The following AKAP12 variants were observed in gnomAD, a reference collection of about 807,000 sequenced individuals.
The protein encoded by AKAP12 is A-kinase anchor protein 12.
AKAP12 carries 32 observed loss-of-function variants against 79.9 expected under a neutral mutation model. The observed-to-expected ratio is 0.40, with a 90% CI of 0.30 to 0.54. The LOEUF (loss-of-function observed/expected upper bound fraction) is 0.54, where lower values mean the gene tolerates loss of function less well. AKAP12 is among the 20% of genes least tolerant of loss of function. The pLI is 0.48. For synonymous variants in AKAP12, 808 were observed against 857.0 expected (o/e 0.94, Z 1.00); for missense variants, 2,074 against 2,177.0 (o/e 0.95, Z 0.94).
intron 3 of AKAP12, among the ~76,000 whole-genome samples, chr6:151,334,369 G>GGATCACCTGA (rs1216329920): frequency 6.6e-6 from 1 of 151,974 alleles, no homozygotes; most frequent in Non-Finnish European, 1.5e-5. Context: ...CGAGGCAGGT[G>GGATCACCTGA]GATCACCTGA....
At chr6:151,302,548 A>G (rs927203141) in intron 2 of AKAP12, among the ~76,000 whole-genome samples, 1 of 151,804 alleles carries the variant, frequency 6.6e-6, no homozygotes, top group Non-Finnish European at 1.5e-5. Context: ...CCAACTAAAG[A>G]TACCTTGGAT....
intron 2 of AKAP12, among the ~76,000 whole-genome samples, chr6:151,265,684 G>GA (rs1797538683): frequency 6.6e-6 from 1 of 152,184 alleles, no homozygotes; most frequent in African/African-American, 2.4e-5. Flanking sequence ...AATAATGCTT[G>GA]TTAAAAATCT....
At chr6:151,286,402 A>G (rs2114730526) in intron 2 of AKAP12, among the ~76,000 whole-genome samples, 1 of 152,344 alleles carries the variant, frequency 6.6e-6, no homozygotes, top group East Asian at 1.9e-4. Context: ...TCAAGGTTCA[A>G]GATCAGTAAC....
intron 3 of AKAP12, chr6:151,324,230 A>G (rs1777466987): frequency 1.0e-6 from 1 of 985,318 alleles, no homozygotes; most frequent in Non-Finnish European, 1.2e-6. Flanking sequence ...CTTCCAGGCA[A>G]TATCTCACTG....
intron 3 of AKAP12, among the ~76,000 whole-genome samples, chr6:151,310,918 G>A (rs192079298): frequency 2.0e-5 from 3 of 152,174 alleles, no homozygotes; most frequent in East Asian, 3.9e-4. Flanking sequence ...ACCTTCACAG[G>A]TCACATTTGT....
At chr6:151,343,259 GTC>G (rs1237391172) in intron 3 of AKAP12, among the ~76,000 whole-genome samples, 6 of 152,158 alleles carry the variant, frequency 3.9e-5, no homozygotes, top group Admixed American at 2.0e-4. Context: ...TTAGCAACAT[GTC>G]TCTGCATTTT....
rs1777505023 is a variant in AKAP12 at position 151,325,677 on chromosome 6, C to T, written c.319+19774C>T. 3.5e-6 allele frequency: 5 copies of T among 1,428,216 alleles called. No individual in the cohort carries two copies. The South Asian group carries it at 6.1e-5, about 17-fold the overall frequency. 88.5% of individuals were successfully genotyped at this position (1,428,216 alleles called of 1,614,324 possible). On this transcript the variant is annotated intron_variant, in intron 3 of 4. Transcript: ENST00000402676. ...TCTGGGGAAATGCATCCGCGCTCTGCTTTTCGCTGCGGCAGCTCCGAGGGC... is the reference window on the plus strand; with the variant it reads ...TCTGGGGAAATGCATCCGCGCTCTGTTTTTCGCTGCGGCAGCTCCGAGGGC...
chr6:151,277,942 TTATG>T, intron 2 of AKAP12, among the ~76,000 whole-genome samples: 1 of 55,244 alleles, frequency 1.8e-5, no homozygotes, highest in Non-Finnish European at 4.5e-5. Flanking sequence ...GCTAATAGGT[TTATG>T]TGTGTGTGTG....
chr6:151,325,824 C>G (rs374560107), intron 3 of AKAP12: 4 of 1,614,032 alleles, frequency 2.5e-6, no homozygotes, highest in South Asian at 1.1e-5. Context: ...CAGGGACCCG[C>G]TAAGCTGATC....
At position 151,352,154 on chromosome 6, in the gene AKAP12, G is replaced by A. The variant is rs775466504; in HGVS notation, c.3763G>A (p.Val1255Ile). The A allele has an allele frequency of 1.1e-5, 18 of 1,614,040 alleles. No individual in the cohort carries two copies. In the Admixed American group the frequency reaches 2.3e-4, roughly 21 times the overall value. ...AGATAAAGAGGTGTCAGTGGAAACT[G>A]TATCCATTCTGTCAAAGACTGAGGG... ...HTDKEVSVET[V>I]SILSKTEGTQ... The change falls in exon 4 of 5, where the codon GTA (valine) becomes ATA (isoleucine). Residue 1255 changes from valine (V) to isoleucine (I), a missense_variant. Val to Ile is a conservative substitution (Grantham distance 29). Coordinates refer to ENST00000402676, the MANE Select transcript of AKAP12 (RefSeq NM_005100.4).
At chr6:151,272,461 G>C (rs373106529) in intron 2 of AKAP12, among the ~76,000 whole-genome samples, 32 of 149,738 alleles carry the variant, frequency 2.1e-4, no homozygotes, top group African/African-American at 7.9e-4. Context: ...TCTGTTTTTC[G>C]TACTCCCTTT....
intron 2 of AKAP12, among the ~76,000 whole-genome samples, chr6:151,281,256 G>A (rs770183255): frequency 2.6e-5 from 4 of 152,186 alleles, no homozygotes; most frequent in Non-Finnish European, 5.9e-5. Context: ...GTTTTTACAA[G>A]TTGTGCTAAT....
chr6:151,275,152 A>G (rs1333441589), intron 2 of AKAP12, among the ~76,000 whole-genome samples: 1 of 152,028 alleles, frequency 6.6e-6, no homozygotes, highest in East Asian at 1.9e-4. Context: ...AACATGTTTG[A>G]CCCATATGTG....
In AKAP12 at chr6:151,352,265, A is replaced by G. The variant is rs375603781; in HGVS notation, c.3874A>G (p.Ile1292Val). The G allele has an allele frequency of 3.7e-6, 6 of 1,614,106 alleles. No individual in the cohort carries two copies. Among genetic ancestry groups the G allele is most frequent in the African/African-American group, 2.7e-5 (2 of 74,938 alleles). ...ACTTGAGGGGTCTATAGACACAGGC[A>G]TAACAGTCAGTCGGGAAAAGGTCAC... Reference protein sequence around the residue: ...EGLEGSIDTGITVSREKVTEV... With the variant: ...EGLEGSIDTGVTVSREKVTEV... The change falls in exon 4 of 5, where the codon ATA becomes GTA. Residue 1292 changes from isoleucine (I) to valine (V), a missense_variant. This residue lies in a region of AKAP12 where 614 missense variants were observed against 665.6 expected (regional missense o/e 0.92). Transcript: ENST00000402676.
At chr6:151,245,495 C>T (rs1797052908) in intron 2 of AKAP12, among the ~76,000 whole-genome samples, 1 of 151,812 alleles carries the variant, frequency 6.6e-6, no homozygotes, top group Non-Finnish European at 1.5e-5. Context: ...TGGGGTTTCA[C>T]CATGTTGGCC....
chr6:151,248,977 A>T (rs1361640336), intron 2 of AKAP12, among the ~76,000 whole-genome samples: 7 of 151,212 alleles, frequency 4.6e-5, no homozygotes, highest in Non-Finnish European at 1.0e-4. Context: ...ACAGAGCAAG[A>T]CTCTGTCTCA....
chr6:151,277,972 GTC>G lies in AKAP12; in HGVS notation c.163-27773_163-27772del, dbSNP rs757723009. On this transcript the variant is annotated intron_variant, in intron 2 of 4. Transcript: ENST00000402676. ...TGTGTGTGTGTGTGTGTGTGTGTGT[GTC>G]TGTCTGTTTATTTTTTTCTACCTTT... Among the ~76,000 whole-genome samples, 600 of 81,510 alleles carry G rather than the reference GTC, an allele frequency of 7.4e-3. 1 individual carries two copies. The highest frequency in any genetic ancestry group is 0.012 in the Admixed American group (62 of 5,344). The allele number at this position is 81,510 out of a possible 152,430, so 53.5% of individuals were successfully genotyped here.
intron 3 of AKAP12, chr6:151,323,798 T>C (rs1200916962): frequency 1.0e-6 from 1 of 985,302 alleles, no homozygotes; most frequent in East Asian, 1.1e-4. Context: ...TGGAGATTCA[T>C]TCTGCTCTGC....
In AKAP12 at chr6:151,349,881, T is replaced by A. The variant is rs1225747829; in HGVS notation, c.1490T>A (p.Val497Glu). 1 of 1,613,946 alleles carries A rather than the reference T, an allele frequency of 6.2e-7. No homozygotes were observed. The highest frequency in any genetic ancestry group is 2.2e-5 in the East Asian group (1 of 44,834). The change falls in exon 4 of 5, where the codon GTG becomes GAG. Residue 497 changes from valine (V) to glutamate (E), a missense_variant. Physicochemically the swap from Val to Glu is moderately radical, Grantham distance 121. Coordinates refer to ENST00000402676, the MANE Select transcript of AKAP12 (RefSeq NM_005100.4). Reference sequence around the variant, plus strand: ...CTGTCCAAACCCCCCGAAGGCGTTGTGAGTGAGGTGGAAATGCTGTCATCA... The same window carrying A: ...CTGTCCAAACCCCCCGAAGGCGTTGAGAGTGAGGTGGAAATGCTGTCATCA... Reference protein sequence around the residue: ...KVLSKPPEGVVSEVEMLSSQE... With the variant: ...KVLSKPPEGVESEVEMLSSQE...
Sources: gnomAD v4.1 joint callset for allele counts (sites outside exome capture counted in the v4.1 genomes callset) on GRCh38, gnomAD v4.1.1 for gene constraint, gnomAD v4.1.1 regional missense constraint, MANE v1.5 for transcripts, NCBI Gene and HGNC (gene_info 2026-07-23, HGNC 2026-07-21) for gene names.